RIPOR2: variants seen among roughly 807,000 people sequenced by gnomAD.
The protein encoded by RIPOR2 is rho family-interacting cell polarization regulator 2.
Under a neutral mutation model 114.5 loss-of-function variants are expected in RIPOR2, and 39 were observed. The ratio of observed to expected loss-of-function variants is 0.34; its 90% CI spans 0.26 to 0.44. The LOEUF (loss-of-function observed/expected upper bound fraction) is 0.44. Among genes scored for constraint, RIPOR2 ranks in the 20% least tolerant of loss-of-function variants. RIPOR2 has a pLI of 1.00. For synonymous variants in RIPOR2, 445 were observed against 484.4 expected (o/e 0.92, Z 1.07); for missense variants, 1,007 against 1,255.1 (o/e 0.80, Z 2.99).
chr6:24,964,599 C>T (rs1219286442), intron 1 of RIPOR2, among the ~76,000 whole-genome samples: 1 of 152,156 alleles, frequency 6.6e-6, no homozygotes, highest in Non-Finnish European at 1.5e-5. Context: ...ACTACATGGA[C>T]ATTTGTGTAC....
chr6:25,001,782 C>A (rs1775335380), intron 1 of RIPOR2, among the ~76,000 whole-genome samples: 1 of 149,304 alleles, frequency 6.7e-6, no homozygotes, highest in Admixed American at 6.6e-5. Flanking sequence ...TCACTGCAAC[C>A]TCCGCCTCCC....
chr6:24,901,426 A>G (rs1022523934), intron 1 of RIPOR2, among the ~76,000 whole-genome samples: 2 of 152,228 alleles, frequency 1.3e-5, no homozygotes, highest in Admixed American at 6.5e-5. Flanking sequence ...GTGAAGAAAT[A>G]CACATTGAGG....
chr6:24,958,961 T>TC (rs70974953), intron 1 of RIPOR2, among the ~76,000 whole-genome samples: 1 of 138,714 alleles, frequency 7.2e-6, no homozygotes, highest in African/African-American at 2.6e-5. Flanking sequence ...ACATTTTCTT[T>TC]TTTTTTTGGA....
chr6:25,006,937 T>G (rs966463273), intron 1 of RIPOR2, among the ~76,000 whole-genome samples: 1 of 152,238 alleles, frequency 6.6e-6, no homozygotes, highest in African/African-American at 2.4e-5. Context: ...GTGGTGTGCC[T>G]GCTGGGACCC....
intron 1 of RIPOR2, among the ~76,000 whole-genome samples, chr6:24,880,431 TAC>T (rs905544532): frequency 6.6e-6 from 1 of 152,184 alleles, no homozygotes; most frequent in African/African-American, 2.4e-5. Flanking sequence ...GTTCTGAAAC[TAC>T]ACACAGTCTA....
intron 17 of RIPOR2, 71 bp downstream of exon 17, chr6:24,830,438 C>T: frequency 7.4e-7 from 1 of 1,349,820 alleles, no homozygotes; most frequent in Non-Finnish European, 1.0e-6. Flanking sequence ...GACCCCTCTC[C>T]CCCGACCCCC....
chr6:24,974,086 G>T (rs1488302092), intron 1 of RIPOR2, among the ~76,000 whole-genome samples: 1 of 152,108 alleles, frequency 6.6e-6, no homozygotes, highest in South Asian at 2.1e-4. Flanking sequence ...ACATGTGCTC[G>T]TTGAGTCTAA....
At chr6:24,891,528 C>A (rs4712864) in intron 1 of RIPOR2, among the ~76,000 whole-genome samples, 1 of 151,650 alleles carries the variant, frequency 6.6e-6, no homozygotes, top group Non-Finnish European at 1.5e-5. Context: ...AAAAAAAGGC[C>A]ACCTAATTCT....
chr6:24,876,266 G>A (rs1465185473), intron 1 of RIPOR2, among the ~76,000 whole-genome samples: 1 of 151,630 alleles, frequency 6.6e-6, no homozygotes, highest in Non-Finnish European at 1.5e-5. Context: ...CTCCAGCCTG[G>A]GCAATAAGAG....
chr6:24,932,224 T>C (rs949410519), intron 1 of RIPOR2, among the ~76,000 whole-genome samples: 6 of 152,130 alleles, frequency 3.9e-5, no homozygotes, highest in African/African-American at 1.4e-4. Flanking sequence ...GATAATCAAA[T>C]GAATCATTTC....
At chr6:25,020,040 C>A (rs905267033) in intron 1 of RIPOR2, among the ~76,000 whole-genome samples, 1 of 151,774 alleles carries the variant, frequency 6.6e-6, no homozygotes, top group Non-Finnish European at 1.5e-5. Flanking sequence ...ATAGTTATAT[C>A]TGGATAGTGG....
chr6:25,040,592 CT>C (rs34600543), intron 1 of RIPOR2, among the ~76,000 whole-genome samples: 32,468 of 135,882 alleles, frequency 0.24, 3,850 homozygotes, highest in African/African-American at 0.36. Context: ...GTGTTTCTTG[CT>C]TTTTTTTTTT....
intron 1 of RIPOR2, among the ~76,000 whole-genome samples, chr6:24,916,288 T>C (rs1262481317): frequency 6.6e-6 from 1 of 152,212 alleles, no homozygotes; most frequent in African/African-American, 2.4e-5. Flanking sequence ...GACACTTTCC[T>C]TGGTCATCTG....
At chr6:25,016,764 G>T (rs559432756) in intron 1 of RIPOR2, among the ~76,000 whole-genome samples, 29 of 152,246 alleles carry the variant, frequency 1.9e-4, no homozygotes, top group African/African-American at 7.0e-4. Context: ...TCAAACTCTT[G>T]TTACTTCTGC....
intron 1 of RIPOR2, among the ~76,000 whole-genome samples, chr6:25,033,062 G>A (rs1441870751): frequency 6.6e-6 from 1 of 152,096 alleles, no homozygotes; most frequent in Non-Finnish European, 1.5e-5. Flanking sequence ...AAATTAGCCG[G>A]GCATGGTGGC....
At chr6:24,809,627 C>T (rs1229959830) in intron 21 of RIPOR2, 90 bp downstream of exon 21, 6 of 880,086 alleles carry the variant, frequency 6.8e-6, no homozygotes, top group African/African-American at 1.7e-5. Flanking sequence ...TGAAACTTCT[C>T]CTTACTGGAG....
intron 6 of RIPOR2, among the ~76,000 whole-genome samples, chr6:24,867,512 G>T (rs772062170): frequency 3.9e-5 from 6 of 152,230 alleles, no homozygotes; most frequent in Non-Finnish European, 7.3e-5. Context: ...CACCCATGTG[G>T]TCTTCTGGGG....
At chr6:24,854,896 G>C (rs1027388959) in intron 8 of RIPOR2, among the ~76,000 whole-genome samples, 3 of 151,574 alleles carry the variant, frequency 2.0e-5, no homozygotes, top group Non-Finnish European at 2.9e-5. Flanking sequence ...GTGTGGTGTC[G>C]GGTACCTGTA....
chr6:24,883,408 G>A lies in RIPOR2; in HGVS notation c.62-7591C>T, dbSNP rs1348420409. On this transcript the variant is annotated intron_variant, in intron 1 of 21. Coordinates refer to ENST00000643898, the MANE Select transcript of RIPOR2 (RefSeq NM_001286445.3). This position sits in a 1 kb window ranked among gnomAD's most constrained non-coding sequence, Gnocchi z 4.1. The stretch of plus-strand genomic sequence containing the variant: ...CAGTTGGCTGTAGCTGGGGTGACAT[G>A]CTGGCAAAAGTAAAAAAATTCCACA... Among the ~76,000 whole-genome samples the A allele has an allele frequency of 1.3e-5, 2 of 152,192 alleles. No individual in the cohort carries two copies. The highest frequency in any genetic ancestry group is 2.9e-5 in the Non-Finnish European group (2 of 68,032).
Sources: gnomAD v4.1 joint callset for allele counts (sites outside exome capture counted in the v4.1 genomes callset) on GRCh38, gnomAD v4.1.1 for gene constraint, Gnocchi (gnomAD v3.1) non-coding constraint, MANE v1.5 for transcripts, NCBI Gene and HGNC (gene_info 2026-07-23, HGNC 2026-07-21) for gene names.